SANBR: variants seen among roughly 807,000 people sequenced by gnomAD.
SANBR encodes SANT and BTB domain regulator of class switch recombination.
Under a neutral mutation model 101.8 loss-of-function variants are expected in SANBR, and 77 were observed. The ratio of observed to expected loss-of-function variants is 0.76; its 90% CI spans 0.63 to 0.91. SANBR has a LOEUF of 0.91. SANBR is among the 40% of genes least tolerant of loss of function. SANBR has a pLI of 0.00. For missense variants in SANBR, 875 were observed against 853.0 expected, an observed-to-expected ratio of 1.03 and a Z score of -0.32; for synonymous variants, 279 against 274.7, an observed-to-expected ratio of 1.02 and a Z score of -0.15.
chr2:61,092,418 A>C lies in SANBR; in HGVS notation c.1089-46A>C, dbSNP rs201259608. On this transcript the variant is annotated intron_variant, in intron 10 of 21. Coordinates refer to ENST00000402291, the MANE Select transcript of SANBR (RefSeq NM_001129993.3). ...TAATAATTAAATAAATAAATAAAAC[A>C]AATTGTTTATATCACTTGCTTGTAA... is the stretch of plus-strand genomic sequence containing the variant. 3.4e-3 allele frequency: 4,814 copies of C among 1,400,868 alleles called. 17 individuals are homozygous for C. Among genetic ancestry groups the C allele is most frequent in the Middle Eastern group, 3.6e-3 (18 of 4,944 alleles). 86.8% of individuals were successfully genotyped at this position (1,400,868 alleles called of 1,614,324 possible).
chr2:61,088,299 T>C, intron 9 of SANBR, 54 bp downstream of exon 9: 2 of 1,567,816 alleles, frequency 1.3e-6, no homozygotes, highest in South Asian at 2.4e-5. Flanking sequence ...CTATATTCTT[T>C]AATTTACTAC....
intron 20 of SANBR, among the ~76,000 whole-genome samples, chr2:61,118,566 G>GTTTTTTTTTTTT (rs1175530888): frequency 1.0e-5 from 1 of 99,542 alleles, no homozygotes; most frequent in Non-Finnish European, 2.0e-5. Context: ...TTTTTTGTTG[G>GTTTTTTTTTTTT]TTTTTTTTTT....
In SANBR at chr2:61,076,283, G is replaced by A. The variant is rs377269893; in HGVS notation, c.432-637G>A. ...GCTGGGATTACAGGTGTGAGCCACCGTGTGCGGCCATAAACTTTATTTTTA... is the reference window on the plus strand; with the variant it reads ...GCTGGGATTACAGGTGTGAGCCACCATGTGCGGCCATAAACTTTATTTTTA... On this transcript the variant is annotated intron_variant, in intron 5 of 21. Coordinates refer to ENST00000402291, the MANE Select transcript of SANBR (RefSeq NM_001129993.3). 8.7e-5 allele frequency among the ~76,000 whole-genome samples: 13 copies of A among 149,330 alleles called. No homozygotes were observed. In the East Asian group the frequency reaches 2.2e-3, roughly 26 times the overall value.
intron 13 of SANBR, among the ~76,000 whole-genome samples, chr2:61,104,819 A>G (rs1683477611): frequency 1.3e-5 from 2 of 151,284 alleles, no homozygotes; most frequent in South Asian, 4.2e-4. Context: ...CTTTAATCCC[A>G]GCACTTTGGG....
At chr2:61,120,522 G>C (rs1684285478) in intron 20 of SANBR, among the ~76,000 whole-genome samples, 1 of 152,056 alleles carries the variant, frequency 6.6e-6, no homozygotes, top group Non-Finnish European at 1.5e-5. Flanking sequence ...TTGAGCCCAG[G>C]AATTCAAGAC....
At chr2:61,128,947 G>C (rs986573758), downstream of SANBR, among the ~76,000 whole-genome samples, 1 of 151,994 alleles carries the variant, frequency 6.6e-6, no homozygotes, top group Non-Finnish European at 1.5e-5. Flanking sequence ...GGGAGACAGA[G>C]GGAGATCCTG....
intron 13 of SANBR, among the ~76,000 whole-genome samples, chr2:61,105,739 T>A (rs1683530229): frequency 6.6e-6 from 1 of 151,136 alleles, no homozygotes; most frequent in Non-Finnish European, 1.5e-5. Context: ...TGGTGCGATC[T>A]CAGCTCACTG....
At chr2:61,085,679 T>A (rs1462210805) in intron 8 of SANBR, among the ~76,000 whole-genome samples, 1 of 151,566 alleles carries the variant, frequency 6.6e-6, no homozygotes, top group Non-Finnish European at 1.5e-5. Flanking sequence ...CCCAGCCAAT[T>A]TTTATATTTT....
Position 61,123,678 on chromosome 2 carries a change from A to G in SANBR, c.*1516A>G. The G allele has an allele frequency of 3.0e-6, 3 of 985,314 alleles. No homozygotes were observed. The highest frequency in any genetic ancestry group is 9.4e-5 in the South Asian group (2 of 21,278). 61.0% of individuals were successfully genotyped at this position (985,314 alleles called of 1,614,324 possible). On this transcript the variant is annotated 3_prime_UTR_variant, in exon 22 of 22. Coordinates refer to ENST00000402291, the MANE Select transcript of SANBR (RefSeq NM_001129993.3). ...AATGGTCACGACTAGATAAGGAAAAAATATATATGCTCTTTTGATTTTTAA... is the reference window on the plus strand; with the variant it reads ...AATGGTCACGACTAGATAAGGAAAAGATATATATGCTCTTTTGATTTTTAA...
Position 61,117,337 on chromosome 2 carries a change from T to C in SANBR, c.1837-20T>C, listed in dbSNP as rs1684121416. 2 of 1,611,064 alleles carry C rather than the reference T, an allele frequency of 1.2e-6. No individual in the cohort carries two copies. Among genetic ancestry groups the C allele is most frequent in the Non-Finnish European group, 1.7e-6 (2 of 1,177,324 alleles). On this transcript the variant is annotated intron_variant, in intron 17 of 21. Transcript: ENST00000402291. Reference sequence around the variant, plus strand: ...TAAACATGTTCTAATTGGGCCTTAATGTTGTCTACTTTTTTTTAGTCAGCT... The same window carrying C: ...TAAACATGTTCTAATTGGGCCTTAACGTTGTCTACTTTTTTTTAGTCAGCT...
rs764121934 is a variant in SANBR, at chr2:61,092,553, C to T, written c.1178C>T (p.Thr393Ile). 2 of 1,602,684 alleles carry T rather than the reference C, an allele frequency of 1.2e-6. No homozygotes were observed. The highest frequency in any genetic ancestry group is 1.1e-5 in the South Asian group (1 of 87,134). The change falls in exon 11 of 22, where the codon ACA (threonine) becomes ATA (isoleucine). Residue 393 changes from threonine (T) to isoleucine (I), a missense_variant. By Grantham distance (89) the Thr-to-Ile change is moderately conservative. Transcript: ENST00000402291. The part of the protein sequence containing the change: ...WRDVYWRLWG[T>I]INWLTCSRCY... ...GATGTATACTGGCGATTGTGGGGAA[C>T]AATCAATTGGCTGACTTGTTCAAGA...
intron 4 of SANBR, 80 bp downstream of exon 4, chr2:61,071,872 T>C (rs1437332958): frequency 1.1e-6 from 1 of 888,870 alleles, no homozygotes; most frequent in Admixed American, 2.7e-5. Flanking sequence ...AACTTTTCTT[T>C]CTTTGTTTAA....
intron 13 of SANBR, among the ~76,000 whole-genome samples, chr2:61,105,821 G>A (rs1227784934): frequency 7.2e-5 from 11 of 152,008 alleles, no homozygotes; most frequent in Admixed American, 6.6e-4. Flanking sequence ...ACAGGCATGT[G>A]CCACCATGCC....
chr2:61,091,636 C>G (rs1458232965), intron 10 of SANBR, among the ~76,000 whole-genome samples: 1 of 148,922 alleles, frequency 6.7e-6, no homozygotes, highest in Non-Finnish European at 1.5e-5. Context: ...GACACATAAC[C>G]TGTAATCCCA....
intron 6 of SANBR, 81 bp downstream of exon 6, chr2:61,077,239 G>A: frequency 9.9e-7 from 1 of 1,006,440 alleles, no homozygotes; most frequent in Non-Finnish European, 1.5e-6. Flanking sequence ...GTGAAATGTG[G>A]AAAATTGTTT....
intron 10 of SANBR, among the ~76,000 whole-genome samples, chr2:61,090,243 A>G (rs1234553889): frequency 6.6e-6 from 1 of 152,314 alleles, no homozygotes; most frequent in South Asian, 2.1e-4. Flanking sequence ...CAGTGATAGT[A>G]TTACAGATGA....
At chr2:61,105,157 G>A (rs1456742747) in intron 13 of SANBR, among the ~76,000 whole-genome samples, 2 of 151,788 alleles carry the variant, frequency 1.3e-5, no homozygotes, top group Non-Finnish European at 2.9e-5. Context: ...GAGGCAGGCC[G>A]ATCACTTGAG....
chr2:61,069,157 A>T (rs1301495620), intron 2 of SANBR, among the ~76,000 whole-genome samples, 172 bp downstream of exon 2: 2 of 152,238 alleles, frequency 1.3e-5, no homozygotes, highest in African/African-American at 4.8e-5. Flanking sequence ...ATTATAATTA[A>T]CATTTATTGA....
chr2:61,124,954 C>CA (rs10715460), downstream of SANBR, among the ~76,000 whole-genome samples: 4 of 151,734 alleles, frequency 2.6e-5, no homozygotes, highest in South Asian at 2.1e-4. Flanking sequence ...AAAAAGAAAC[C>CA]AAAAAAAATG....
Sources: gnomAD v4.1 joint callset for allele counts (sites outside exome capture counted in the v4.1 genomes callset) on GRCh38, gnomAD v4.1.1 for gene constraint, MANE v1.5 for transcripts, NCBI Gene and HGNC (gene_info 2026-07-23, HGNC 2026-07-21) for gene names.